MAIP1: variants seen among roughly 807,000 people sequenced by gnomAD.
The protein encoded by MAIP1 is m-AAA protease-interacting protein 1, mitochondrial.
A neutral mutation model predicts 31.2 loss-of-function variants in MAIP1; 28 were observed. The ratio of observed to expected loss-of-function variants is 0.90; its 90% CI spans 0.67 to 1.23. The LOEUF (loss-of-function observed/expected upper bound fraction) is 1.23. Ranked by LOEUF, MAIP1 falls within the 50% of genes most tolerant of loss-of-function variation. The pLI is 0.00. For missense variants in MAIP1, 339 were observed against 356.0 expected, an observed-to-expected ratio of 0.95 and a Z score of 0.38; for synonymous variants, 142 against 142.3, an observed-to-expected ratio of 1.00 and a Z score of 0.02.
chr2:199,960,146 G>A lies in MAIP1; in HGVS notation c.649+266G>A, dbSNP rs148459816. 2.9e-3 allele frequency among the ~76,000 whole-genome samples: 435 copies of A among 152,300 alleles called. 2 individuals carry two copies. Among genetic ancestry groups the A allele is most frequent in the African/African-American group, 9.9e-3 (411 of 41,570 alleles). On this transcript the variant is annotated intron_variant, in intron 3 of 4. Transcript: ENST00000392290. ...TCACTTACATTGATGAAAATAGTTT[G>A]AGTGGCTCCCACGTCTCAAATAGAA... is the stretch of plus-strand genomic sequence containing the variant.
In MAIP1 at chr2:199,956,323, A is replaced by C. The variant is rs149432739; in HGVS notation, c.450+75A>C. On this transcript the variant is annotated intron_variant, in intron 1 of 4. Transcript: ENST00000392290. ...TTGCTCGCAGAAGTGCTTAGCAGTG[A>C]GTTTTCTTCACTGGGATACAAGTGA... The C allele has an allele frequency of 1.9e-3, 2,241 of 1,185,278 alleles. 30 individuals carry two copies. The African/African-American group carries it at 0.026, about 14-fold the overall frequency. The allele number at this position is 1,185,278 out of a possible 1,614,324, so 73.4% of individuals were successfully genotyped here.
intron 4 of MAIP1, 115 bp downstream of exon 4, chr2:199,962,043 A>G: frequency 1.0e-6 from 1 of 974,816 alleles, no homozygotes; most frequent in Non-Finnish European, 1.5e-6. Flanking sequence ...CAAGTTATTT[A>G]TGAAGAGAAA....
upstream of MAIP1, chr2:199,955,505 A>C (rs745820346): frequency 4.4e-6 from 7 of 1,608,808 alleles, no homozygotes; most frequent in Admixed American, 5.0e-5. Context: ...AGGTCTTCGG[A>C]ACTTCGGCTC....
chr2:199,959,943 G>A lies in MAIP1; in HGVS notation c.649+63G>A, dbSNP rs1343375687. 6 of 1,459,866 alleles carry A rather than the reference G, an allele frequency of 4.1e-6. No individual in the cohort carries two copies. In the East Asian group the frequency reaches 9.2e-5, roughly 22 times the overall value. The allele number at this position is 1,459,866 out of a possible 1,614,324, so 90.4% of individuals were successfully genotyped here. ...ATTGTCCAGATAAGCTAAACTAGTG[G>A]ATAATCACAAAATAGTAGAGTTTTG... On this transcript the variant is annotated intron_variant, in intron 3 of 4. Coordinates refer to ENST00000392290, the MANE Select transcript of MAIP1 (RefSeq NM_001394955.1).
chr2:199,962,184 C>T (rs998738658), intron 4 of MAIP1, among the ~76,000 whole-genome samples: 1 of 152,204 alleles, frequency 6.6e-6, no homozygotes, highest in Non-Finnish European at 1.5e-5. Flanking sequence ...AATTCATTGG[C>T]TTCAAACAGC....
At chr2:199,963,670 A>C (rs999054801) in intron 4 of MAIP1, 63 bp from the exon 5 acceptor site, 1 of 957,154 alleles carries the variant, frequency 1.0e-6, no homozygotes, top group African/African-American at 1.6e-5. Flanking sequence ...TGCAAATTAC[A>C]TAGTTATCTA....
chr2:199,959,968 G>T (rs2077627801), intron 3 of MAIP1, 88 bp downstream of exon 3: 1 of 1,228,900 alleles, frequency 8.1e-7, no homozygotes, highest in Non-Finnish European at 1.1e-6. Context: ...GTAGAGTTTT[G>T]TCAGGACAAG....
chr2:199,962,777 C>T (rs981168804), intron 4 of MAIP1, among the ~76,000 whole-genome samples: 9 of 152,186 alleles, frequency 5.9e-5, no homozygotes, highest in Middle Eastern at 3.2e-3. Flanking sequence ...TGAAGGGATA[C>T]TGCCCTTAAG....
rs749274744 is a variant in MAIP1, at chr2:199,963,742, G to T, written c.807G>T (p.Arg269Ser). 3.1e-6 allele frequency: 5 copies of T among 1,591,762 alleles called. No homozygotes were observed. Among genetic ancestry groups the T allele is most frequent in the Non-Finnish European group, 4.3e-6 (5 of 1,160,568 alleles). Residue 269 changes from arginine (R) to serine (S), a missense_variant, in exon 5 of 5, where the codon AGG becomes AGT. Arg to Ser is a moderately radical substitution (Grantham distance 110). Transcript: ENST00000392290. ...GCAATGTCTTTCCTAGGTTTCAGAG[G>T]GAGTTCACACAAGGAGTAAAGCCTG... ...QLLSASYEFQ[R>S]EFTQGVKPDW...
At chr2:199,958,081 G>T (rs1046728715) in intron 1 of MAIP1, among the ~76,000 whole-genome samples, 1 of 152,118 alleles carries the variant, frequency 6.6e-6, no homozygotes, top group Non-Finnish European at 1.5e-5. Flanking sequence ...TCATCAGCCA[G>T]CCTGTAAGCA....
Position 199,956,161 on chromosome 2 carries a change from G to C in MAIP1, c.363G>C (p.Trp121Cys). Residue 121 changes from tryptophan to cysteine, a missense_variant, in exon 1 of 5, where the codon TGG becomes TGC. Trp to Cys is a radical substitution (Grantham distance 215, BLOSUM62 -2). Transcript: ENST00000392290. Reference sequence around the variant, plus strand: ...TGGGATTCTCCAACCCCATCAACTGGGTTAGGACTCGAATTAAGGCCTTCC... The same window carrying C: ...TGGGATTCTCCAACCCCATCAACTGCGTTAGGACTCGAATTAAGGCCTTCC... The part of the protein sequence containing the change: ...IVLGFSNPIN[W>C]VRTRIKAFLI... The C allele has an allele frequency of 6.2e-7, 1 of 1,614,192 alleles. No homozygotes were observed. The highest frequency in any genetic ancestry group is 1.3e-5 in the African/African-American group (1 of 75,050).
chr2:199,959,746 A>C lies in MAIP1; in HGVS notation c.523-8A>C. 1 of 1,596,750 alleles carries C rather than the reference A, an allele frequency of 6.3e-7. No individual in the cohort carries two copies. Among genetic ancestry groups the C allele is most frequent in the Non-Finnish European group, 8.5e-7 (1 of 1,174,406 alleles). On this transcript the variant is annotated splice_polypyrimidine_tract_variant and splice_region_variant and intron_variant, in intron 2 of 4. Transcript: ENST00000392290. ...AGTGAACTAATGGCTTGCTTTTTTC[A>C]AACTTAGGTGCTACATGCATTGAAA...
Position 199,956,153 on chromosome 2 carries a change from A to G in MAIP1, c.355A>G (p.Ile119Val), listed in dbSNP as rs778668741. 6.2e-7 allele frequency: 1 copy of G among 1,614,210 alleles called. No individual in the cohort carries two copies. Residue 119 changes from isoleucine (I) to valine (V), a missense_variant, in exon 1 of 5, where the codon ATC (isoleucine) becomes GTC (valine). Ile to Val is a conservative substitution (Grantham distance 29). Coordinates refer to ENST00000392290, the MANE Select transcript of MAIP1 (RefSeq NM_001394955.1). ...KMIVLGFSNP[I>V]NWVRTRIKAF... The stretch of plus-strand genomic sequence containing the variant: ...GATCGTCCTGGGATTCTCCAACCCC[A>G]TCAACTGGGTTAGGACTCGAATTAA...
At chr2:199,961,588 C>T (rs1277019490) in intron 3 of MAIP1, among the ~76,000 whole-genome samples, 193 bp from the exon 4 acceptor site, 1 of 152,062 alleles carries the variant, frequency 6.6e-6, no homozygotes, top group Admixed American at 6.6e-5. Flanking sequence ...GGCAAGTATG[C>T]CATAAACCCT....
Position 199,955,649 on chromosome 2 carries a change from T to C in MAIP1, c.-150T>C. On this transcript the variant is annotated 5_prime_UTR_variant, in exon 1 of 5. Coordinates refer to ENST00000392290, the MANE Select transcript of MAIP1 (RefSeq NM_001394955.1). ...AAGGGCCTCGGCCTGGGCTGCGTGC[T>C]GGAGAGCGGGGACGGGGCCGACTCA... is the stretch of plus-strand genomic sequence containing the variant. 1 of 1,126,326 alleles carries C rather than the reference T, an allele frequency of 8.9e-7. No individual in the cohort carries two copies. Among genetic ancestry groups the C allele is most frequent in the Non-Finnish European group, 1.2e-6 (1 of 811,914 alleles). 69.8% of individuals were successfully genotyped at this position (1,126,326 alleles called of 1,614,324 possible).
intron 1 of MAIP1, 85 bp from the exon 2 acceptor site, chr2:199,959,183 G>A (rs2077623242): frequency 8.0e-6 from 6 of 746,360 alleles, no homozygotes. Flanking sequence ...AAAATAGTCT[G>A]TATTACACTT....
intron 4 of MAIP1, among the ~76,000 whole-genome samples, chr2:199,962,193 G>C (rs1398747723): frequency 6.6e-6 from 1 of 152,198 alleles, no homozygotes; most frequent in Non-Finnish European, 1.5e-5. Flanking sequence ...GCTTCAAACA[G>C]CCATTGACTT....
rs751828498 is a variant in MAIP1, at chr2:199,955,856, GGGGCCGTCC to G, written c.60_68del (p.Ala21_Arg23del). ...CCTGCACTCTCGGTCGCTGCCCTGC[GGGGCCGTCC>G]GACTCCGGACTCCTGCTGTGGCCGA... is the stretch of plus-strand genomic sequence containing the variant. On this transcript the variant is annotated inframe_deletion, in exon 1 of 5. Transcript: ENST00000392290. The G allele has an allele frequency of 9.2e-6, 14 of 1,529,420 alleles. No homozygotes were observed. The East Asian group carries it at 2.9e-4, about 32-fold the overall frequency. 94.7% of individuals were successfully genotyped at this position (1,529,420 alleles called of 1,614,324 possible).
In MAIP1 at chr2:199,963,837, A is replaced by C; in HGVS notation, c.*26A>C. On this transcript the variant is annotated 3_prime_UTR_variant, in exon 5 of 5. Transcript: ENST00000392290. ...TTTTCTTGGAAAAATCAGCTTATGG[A>C]CTTTAGCAGTTGCTGTGAAAAACTA... 2 of 1,481,296 alleles carry C rather than the reference A, an allele frequency of 1.4e-6. No homozygotes were observed. Among genetic ancestry groups the C allele is most frequent in the Non-Finnish European group, 1.9e-6 (2 of 1,067,416 alleles). The allele number at this position is 1,481,296 out of a possible 1,614,324, so 91.8% of individuals were successfully genotyped here. A position where few individuals can be genotyped will look rare whatever the true frequency, so the allele number is the denominator to read the frequency against.
Sources: allele counts gnomAD v4.1 joint callset (sites outside exome capture counted in the v4.1 genomes callset), GRCh38; gene constraint gnomAD v4.1.1; transcripts MANE v1.5; gene names NCBI Gene and HGNC (gene_info 2026-07-23, HGNC 2026-07-21).